RPH3A: variants seen among roughly 807,000 people sequenced by gnomAD.
The protein encoded by RPH3A is rabphilin-3A.
RPH3A carries 48 observed loss-of-function variants against 102.2 expected under a neutral mutation model. That is an observed-to-expected ratio of 0.47 (90% CI 0.37 to 0.60). RPH3A has a LOEUF of 0.60. RPH3A is among the 20% of genes least tolerant of loss of function. The pLI, the probability that RPH3A is intolerant of heterozygous loss-of-function variation, is 0.00. For synonymous variants in RPH3A, 310 were observed against 324.3 expected, an observed-to-expected ratio of 0.96 and a Z score of 0.47; for missense variants, 781 against 910.1, an observed-to-expected ratio of 0.86 and a Z score of 1.83.
chr12:112,674,024 G>A (rs531623123), intron 1 of RPH3A, among the ~76,000 whole-genome samples: 2 of 152,260 alleles, frequency 1.3e-5, no homozygotes, highest in African/African-American at 4.8e-5. Flanking sequence ...CTTCCAAAGT[G>A]CTGGAATTAC....
chr12:112,897,976 G>C lies in RPH3A; in HGVS notation c.*1196G>C, dbSNP rs762403389. The C allele has an allele frequency of 4.6e-5, 7 of 152,326 alleles. No homozygotes were observed. Among genetic ancestry groups the C allele is most frequent in the Non-Finnish European group, 1.0e-4 (7 of 68,134 alleles). 9.4% of individuals were successfully genotyped at this position (152,326 alleles called of 1,614,324 possible). ...TCTCCGCTCTTAGGTAAATGAACAAGCTACCCTCCTCCCCAATGCCCTTGA... is the reference window on the plus strand; with the variant it reads ...TCTCCGCTCTTAGGTAAATGAACAACCTACCCTCCTCCCCAATGCCCTTGA... On this transcript the variant is annotated 3_prime_UTR_variant, in exon 22 of 22. Coordinates refer to ENST00000389385, the MANE Select transcript of RPH3A (RefSeq NM_001143854.2).
Position 112,713,005 on chromosome 12 carries a change from C to G in RPH3A, c.-139-79138C>G, listed in dbSNP as rs58632600. Among the ~76,000 whole-genome samples, 121 of 66,520 alleles carry G rather than the reference C, an allele frequency of 1.8e-3. 10 individuals carry two copies. The highest frequency in any genetic ancestry group is 4.9e-3 in the African/African-American group (73 of 14,998). The allele number at this position is 66,520 out of a possible 152,430, so 43.6% of individuals were successfully genotyped here. Reference sequence around the variant, plus strand: ...CTTCGTCGTCTTTGTCTTCCTCTTCCTCTTCCTCTTCCTCTTCCTCTTCTT... The same window carrying G: ...CTTCGTCGTCTTTGTCTTCCTCTTCGTCTTCCTCTTCCTCTTCCTCTTCTT... On this transcript the variant is annotated intron_variant, in intron 1 of 21. Coordinates refer to the RPH3A transcript ENST00000543106.
chr12:112,689,896 C>T (rs986865971), intron 1 of RPH3A, among the ~76,000 whole-genome samples: 3 of 152,122 alleles, frequency 2.0e-5, no homozygotes, highest in African/African-American at 4.8e-5. Flanking sequence ...TTTTGGGTGA[C>T]AAGGTTATGT....
chr12:112,727,434 CACAT>C (rs1565862348), intron 1 of RPH3A, among the ~76,000 whole-genome samples: 1 of 99,348 alleles, frequency 1.0e-5, no homozygotes, highest in Non-Finnish European at 1.8e-5. Context: ...TACACACACA[CACAT>C]ACATACACAC....
intron 1 of RPH3A, among the ~76,000 whole-genome samples, chr12:112,699,512 G>C (rs1175236092): frequency 6.6e-6 from 1 of 152,210 alleles, no homozygotes; most frequent in Admixed American, 6.5e-5. Flanking sequence ...ATTATGTTGA[G>C]CAAAAGCAGC....
intron 1 of RPH3A, among the ~76,000 whole-genome samples, chr12:112,693,085 A>C (rs998236003): frequency 2.0e-5 from 3 of 152,238 alleles, no homozygotes; most frequent in African/African-American, 7.2e-5. Context: ...CTCATTCAGA[A>C]AAAATAGAGC....
At chr12:112,768,657 A>C (rs55884314) in intron 1 of RPH3A, among the ~76,000 whole-genome samples, 12,525 of 152,310 alleles carry the variant, frequency 0.082, 710 homozygotes, top group Non-Finnish European at 0.13. Flanking sequence ...TAATGCCTAT[A>C]ATCTCAGCCA....
intron 1 of RPH3A, among the ~76,000 whole-genome samples, chr12:112,773,383 A>G (rs774168554): frequency 2.6e-5 from 4 of 152,164 alleles, no homozygotes; most frequent in Non-Finnish European, 5.9e-5. Flanking sequence ...TTTCCATTAC[A>G]GGGCCTGACC....
In RPH3A at chr12:112,887,823, T is replaced by C; in HGVS notation, c.1463T>C (p.Phe488Ser). ...ATCTCCGTCTGTGATGAGGACAAAT[T>C]TGGCCACAATGAATTTATTGGTGAG... ...LRISVCDEDK[F>S]GHNEFIGETR... is the part of the protein sequence containing the mutation. The change falls in exon 17 of 22, where the codon TTT (phenylalanine) becomes TCT (serine). Residue 488 changes from phenylalanine to serine, a missense_variant. Transcript: ENST00000389385. 1 of 1,613,844 alleles carries C rather than the reference T, an allele frequency of 6.2e-7. No homozygotes were observed. The highest frequency in any genetic ancestry group is 8.5e-7 in the Non-Finnish European group (1 of 1,179,816).
At chr12:112,829,278 T>C (rs574803467) in intron 3 of RPH3A, among the ~76,000 whole-genome samples, 1 of 150,142 alleles carries the variant, frequency 6.7e-6, no homozygotes, top group African/African-American at 2.5e-5. Context: ...TTTTTTTTTT[T>C]CTTTTTTTTT....
At chr12:112,857,668 A>G (rs1467806599) in intron 5 of RPH3A, among the ~76,000 whole-genome samples, 2 of 152,194 alleles carry the variant, frequency 1.3e-5, no homozygotes, top group African/African-American at 4.8e-5. Flanking sequence ...CTGTTAAGAT[A>G]CATGTATATG....
At chr12:112,765,846 T>C (rs2040885035) in intron 1 of RPH3A, among the ~76,000 whole-genome samples, 1 of 152,142 alleles carries the variant, frequency 6.6e-6, no homozygotes, top group South Asian at 2.1e-4. Flanking sequence ...CAGCGGCCCA[T>C]TCATATTAGC....
At chr12:112,840,447 T>C (rs2042123206) in intron 4 of RPH3A, among the ~76,000 whole-genome samples, 1 of 152,180 alleles carries the variant, frequency 6.6e-6, no homozygotes, top group African/African-American at 2.4e-5. Flanking sequence ...TATGAGTATT[T>C]TTGTACCCAT....
chr12:112,725,763 G>GTTT (rs869295729), intron 1 of RPH3A, among the ~76,000 whole-genome samples: 1 of 94,134 alleles, frequency 1.1e-5, no homozygotes, highest in African/African-American at 3.7e-5. Context: ...GATGAGTGTA[G>GTTT]TTTTTGTTGT....
chr12:112,839,569 A>G (rs1175163662), intron 4 of RPH3A, among the ~76,000 whole-genome samples: 1 of 152,216 alleles, frequency 6.6e-6, no homozygotes, highest in Non-Finnish European at 1.5e-5. Context: ...ATGACAGGGT[A>G]TAAGAGTAAA....
chr12:112,836,410 CCAGA>C, intron 3 of RPH3A, 77 bp from the exon 4 acceptor site: 1 of 772,914 alleles, frequency 1.3e-6, no homozygotes, highest in Non-Finnish European at 2.0e-6. Flanking sequence ...AGTGTTGCAT[CCAGA>C]CAGTGTAGAT....
chr12:112,682,216 T>C (rs1056613411), intron 1 of RPH3A, among the ~76,000 whole-genome samples: 2 of 152,194 alleles, frequency 1.3e-5, no homozygotes, highest in Non-Finnish European at 2.9e-5. Context: ...TTCCATGATA[T>C]GCTGTCTGTG....
chr12:112,620,683 C>T (rs2039715230), intron 1 of RPH3A, among the ~76,000 whole-genome samples: 1 of 152,166 alleles, frequency 6.6e-6, no homozygotes. Flanking sequence ...TTAGCATGTT[C>T]ACATCCAAAC....
chr12:112,739,780 T>C (rs1404087070), intron 1 of RPH3A, among the ~76,000 whole-genome samples: 1 of 152,170 alleles, frequency 6.6e-6, no homozygotes, highest in Non-Finnish European at 1.5e-5. Context: ...GTTTGTCCAG[T>C]GGGAGGCAAT....
Sources: gnomAD v4.1 joint callset for allele counts (sites outside exome capture counted in the v4.1 genomes callset) on GRCh38, gnomAD v4.1.1 for gene constraint, MANE v1.5 for transcripts, NCBI Gene and HGNC (gene_info 2026-07-23, HGNC 2026-07-21) for gene names.